THSD4: variants seen among roughly 807,000 people sequenced by gnomAD.
The protein encoded by THSD4 is thrombospondin type 1 domain containing 4, also known as thrombospondin type-1 domain-containing protein 4.
Under a neutral mutation model 119.0 loss-of-function variants are expected in THSD4, and 69 were observed. The ratio of observed to expected loss-of-function variants is 0.58; its 90% CI spans 0.48 to 0.71. The LOEUF (loss-of-function observed/expected upper bound fraction) is 0.71, where lower values mean the gene tolerates loss of function less well. Among genes scored for constraint, THSD4 ranks in the 30% least tolerant of loss-of-function variants. The pLI is 0.00. For missense variants in THSD4, 1,393 were observed against 1,391.1 expected (o/e 1.00, Z -0.02); for synonymous variants, 524 against 540.4 (o/e 0.97, Z 0.42).
intron 8 of THSD4, among the ~76,000 whole-genome samples, chr15:71,702,883 T>C (rs1223799089): frequency 6.6e-6 from 1 of 152,156 alleles, no homozygotes; most frequent in African/African-American, 2.4e-5. Flanking sequence ...CTGTCCACTA[T>C]TGTATGCATC....
At chr15:71,631,781 A>G (rs1168063438) in intron 7 of THSD4, among the ~76,000 whole-genome samples, 1 of 152,178 alleles carries the variant, frequency 6.6e-6, no homozygotes, top group African/African-American at 2.4e-5. Context: ...ATTTTCCTCT[A>G]GGATACATGA....
chr15:71,756,701 C>T (rs549944954), intron 14 of THSD4, among the ~76,000 whole-genome samples: 2 of 152,262 alleles, frequency 1.3e-5, no homozygotes, highest in East Asian at 3.9e-4. Flanking sequence ...TCACTTGACC[C>T]CAAGAGGTTG....
chr15:71,700,495 T>G (rs1347004027), intron 8 of THSD4, among the ~76,000 whole-genome samples: 1 of 152,142 alleles, frequency 6.6e-6, no homozygotes, highest in Non-Finnish European at 1.5e-5. Context: ...AGCCATCAAT[T>G]TCCCCCAAAT....
intron 10 of THSD4, among the ~76,000 whole-genome samples, chr15:71,736,362 GCT>G (rs747287902): frequency 2.1e-4 from 28 of 134,918 alleles, no homozygotes; most frequent in Non-Finnish European, 3.8e-4. Context: ...TTGCTCTCTT[GCT>G]CTCTGTTTCT....
At chr15:71,433,106 C>T (rs8031051) in intron 7 of THSD4, among the ~76,000 whole-genome samples, 434 of 151,554 alleles carry the variant, frequency 2.9e-3, no homozygotes, top group African/African-American at 0.01. Flanking sequence ...TAGAAACAGC[C>T]TTTTCTGTAG....
intron 7 of THSD4, among the ~76,000 whole-genome samples, chr15:71,524,910 C>A (rs1201968239): frequency 6.6e-6 from 1 of 151,304 alleles, no homozygotes; most frequent in African/African-American, 2.4e-5. Context: ...CCATGCCCGG[C>A]CTCTTGCTTT....
At position 71,642,732 on chromosome 15, in the gene THSD4, T is replaced by C. The variant is rs1020483172; in HGVS notation, c.1153-17798T>C. ...ACCAAACACCGCATGTTCTCACTCA[T>C]AGGTGGGAATTGAACAATGAGATCA... is the stretch of plus-strand genomic sequence containing the variant. On this transcript the variant is annotated intron_variant, in intron 7 of 17. Transcript: ENST00000261862. 2.0e-5 allele frequency among the ~76,000 whole-genome samples: 3 copies of C among 150,152 alleles called. No homozygotes were observed. The South Asian group carries it at 6.3e-4, about 32-fold the overall frequency.
chr15:71,218,103 C>T (rs928637549), intron 4 of THSD4, among the ~76,000 whole-genome samples: 1 of 152,176 alleles, frequency 6.6e-6, no homozygotes, highest in African/African-American at 2.4e-5. Flanking sequence ...ACTTTACACT[C>T]ATGGTCCTAT....
chr15:71,217,766 TCC>T (rs2043946466), intron 4 of THSD4, among the ~76,000 whole-genome samples: 1 of 151,460 alleles, frequency 6.6e-6, no homozygotes, highest in African/African-American at 2.4e-5. Flanking sequence ...TTATTAAATA[TCC>T]ATCCTGTACC....
intron 7 of THSD4, among the ~76,000 whole-genome samples, chr15:71,429,800 C>T (rs1374999772): frequency 2.0e-5 from 3 of 152,232 alleles, no homozygotes; most frequent in Non-Finnish European, 4.4e-5. Flanking sequence ...TTAAACCAGT[C>T]TCTCATTCCT....
intron 7 of THSD4, among the ~76,000 whole-genome samples, chr15:71,433,456 GTT>G (rs557632746): frequency 3.0e-5 from 4 of 133,972 alleles, no homozygotes; most frequent in Non-Finnish European, 3.2e-5. Context: ...TTTTTTCTTT[GTT>G]TTTTTTTTTT....
At chr15:71,231,976 A>T (rs1329931139) in intron 4 of THSD4, among the ~76,000 whole-genome samples, 1 of 152,086 alleles carries the variant, frequency 6.6e-6, no homozygotes, top group Non-Finnish European at 1.5e-5. Flanking sequence ...TTGGCAGGTG[A>T]TCCTAGTGGA....
intron 4 of THSD4, among the ~76,000 whole-genome samples, chr15:71,222,962 T>G (rs945020292): frequency 3.9e-5 from 6 of 152,136 alleles, no homozygotes; most frequent in African/African-American, 1.4e-4. Context: ...GTTACTTAAC[T>G]TTTCCCTGGT....
At chr15:71,467,699 G>T (rs532671827) in intron 7 of THSD4, among the ~76,000 whole-genome samples, 1 of 152,216 alleles carries the variant, frequency 6.6e-6, no homozygotes, top group East Asian at 1.9e-4. Context: ...GTTTGGCTGT[G>T]TCCCCACCCA....
intron 3 of THSD4, among the ~76,000 whole-genome samples, chr15:71,156,946 C>G (rs1251910583): frequency 6.6e-6 from 1 of 152,108 alleles, no homozygotes; most frequent in Non-Finnish European, 1.5e-5. Flanking sequence ...ATTGGCACCC[C>G]CCTCCCCTGC....
rs4131087 is a variant in THSD4 at position 71,515,335 on chromosome 15, A to C, written c.1152+103512A>C. On this transcript the variant is annotated intron_variant, in intron 7 of 17. Coordinates refer to ENST00000261862, the MANE Select transcript of THSD4 (RefSeq NM_024817.3). ...TTGGATTCTGCTAGTTTGAAATGAA[A>C]ACCATTTCTTTAAAAATGTTAATTT... Among the ~76,000 whole-genome samples the C allele has an allele frequency of 3.2e-3, 492 of 152,318 alleles. 6 individuals are homozygous for C. The highest frequency in any genetic ancestry group is 0.018 in the South Asian group (85 of 4,824).
intron 3 of THSD4, among the ~76,000 whole-genome samples, chr15:71,173,309 TAATC>T (rs1237051525): frequency 2.6e-5 from 4 of 152,080 alleles, no homozygotes; most frequent in Admixed American, 2.0e-4. Context: ...GTGATTAACT[TAATC>T]AAGGAGGTGA....
intron 7 of THSD4, among the ~76,000 whole-genome samples, chr15:71,516,868 T>C (rs2048369290): frequency 6.6e-6 from 1 of 152,234 alleles, no homozygotes; most frequent in African/African-American, 2.4e-5. Flanking sequence ...CACTATACTC[T>C]GAGGAATTAA....
At chr15:71,153,443 C>A (rs2040745795) in intron 2 of THSD4, among the ~76,000 whole-genome samples, 1 of 152,184 alleles carries the variant, frequency 6.6e-6, no homozygotes, top group African/African-American at 2.4e-5. Context: ...AGCTGCAACT[C>A]CATGACAACA....
Sources: gnomAD v4.1 joint callset for allele counts (sites outside exome capture counted in the v4.1 genomes callset) on GRCh38, gnomAD v4.1.1 for gene constraint, MANE v1.5 for transcripts, NCBI Gene and HGNC (gene_info 2026-07-23, HGNC 2026-07-21) for gene names.